The following PIKFYVE variants were observed in gnomAD, a reference collection of about 807,000 sequenced individuals.
The protein encoded by PIKFYVE is 1-phosphatidylinositol 3-phosphate 5-kinase.
In PIKFYVE, 122 loss-of-function variants were observed where a neutral mutation model predicts 257.9. The ratio of observed to expected loss-of-function variants is 0.47; its 90% confidence interval spans 0.41 to 0.55. The LOEUF (loss-of-function observed/expected upper bound fraction) is 0.55. PIKFYVE is among the 20% of genes least tolerant of loss of function. The pLI is 0.00. For synonymous variants in PIKFYVE, 892 were observed against 868.9 expected (o/e 1.03, Z -0.47); for missense variants, 2,160 against 2,536.6 (o/e 0.85, Z 3.19).
chr2:208,321,254 A>C (rs1696169100), intron 17 of PIKFYVE, among the ~76,000 whole-genome samples: 1 of 152,202 alleles, frequency 6.6e-6, no homozygotes, highest in African/African-American at 2.4e-5. Context: ...TAGTGGAAAC[A>C]CTTATGCTGG....
chr2:208,328,319 C>G (rs1169308853), intron 21 of PIKFYVE, 39 bp downstream of exon 21: 13 of 1,611,106 alleles, frequency 8.1e-6, no homozygotes, highest in African/African-American at 1.3e-5. Flanking sequence ...CACATAAGAA[C>G]AGAATTCCAG....
At chr2:208,350,306 C>G (rs540932069) in intron 36 of PIKFYVE, among the ~76,000 whole-genome samples, 1 of 151,298 alleles carries the variant, frequency 6.6e-6, no homozygotes, top group Non-Finnish European at 1.5e-5. Flanking sequence ...GTAAATTATG[C>G]TCTTATTTCT....
intron 5 of PIKFYVE, among the ~76,000 whole-genome samples, chr2:208,285,131 TGTTGCCC>T (rs1329832213): frequency 6.6e-6 from 1 of 152,242 alleles, no homozygotes. Flanking sequence ...GTTTCGTTCT[TGTTGCCC>T]AGGCTGGAGT....
At chr2:208,317,794 T>G (rs1695718855) in intron 15 of PIKFYVE, 73 bp from the exon 16 acceptor site, 7 of 1,363,092 alleles carry the variant, frequency 5.1e-6, no homozygotes, top group African/African-American at 1.4e-5. Flanking sequence ...TGGAAAGAAA[T>G]AATAGCGTAC....
chr2:208,349,917 C>T (rs942981447), intron 35 of PIKFYVE, 107 bp from the exon 36 acceptor site: 5 of 1,513,114 alleles, frequency 3.3e-6, no homozygotes, highest in Non-Finnish European at 4.5e-6. Flanking sequence ...GATATTTTTA[C>T]TTTTAATTTG....
chr2:208,316,482 C>T (rs1695532868), intron 15 of PIKFYVE, among the ~76,000 whole-genome samples: 1 of 151,890 alleles, frequency 6.6e-6, no homozygotes, highest in Non-Finnish European at 1.5e-5. Flanking sequence ...AACTAGTTTA[C>T]AGTCCCACCA....
rs774566105 is a variant in PIKFYVE, at chr2:208,335,315, C to G, written c.4152C>G (p.Pro1384=). 1 of 1,600,196 alleles carries G rather than the reference C, an allele frequency of 6.2e-7. No individual in the cohort carries two copies. The highest frequency in any genetic ancestry group is 1.7e-5 in the Admixed American group (1 of 59,978). The change falls in exon 25 of 42, where the codon CCC becomes CCG. Residue 1384 remains proline (P), a synonymous_variant. Coordinates refer to ENST00000264380, the MANE Select transcript of PIKFYVE (RefSeq NM_015040.4). ...TGTATTTTCTTCTCAGTTATTCTCC[C>G]ATTCGGCTTCTTGAAGTATGTGTTC... ...NQMVASFSYS[P]IRLLEVCVPL...
intron 3 of PIKFYVE, among the ~76,000 whole-genome samples, chr2:208,275,211 G>C (rs1689947432): frequency 6.6e-6 from 1 of 152,214 alleles, no homozygotes; most frequent in African/African-American, 2.4e-5. Flanking sequence ...AAGAGAAGCA[G>C]CTAAGGCTAT....
In PIKFYVE at chr2:208,350,882, T is replaced by C. The variant is rs1699713726; in HGVS notation, c.5546T>C (p.Leu1849Pro). 1 of 1,614,160 alleles carries C rather than the reference T, an allele frequency of 6.2e-7. No individual in the cohort carries two copies. Among genetic ancestry groups the C allele is most frequent in the Non-Finnish European group, 8.5e-7 (1 of 1,180,028 alleles). ...AGTGAAGAAGATTTCATTCGTTCCC[T>C]CTCCCACTCATCACCCTGGCAGGCC... ...DSSEEDFIRSLSHSSPWQARG... is the reference protein window; with the variant it reads ...DSSEEDFIRSPSHSSPWQARG... The change falls in exon 37 of 42, where the codon CTC becomes CCC. Residue 1849 changes from leucine (L) to proline (P), a missense_variant. By Grantham distance (98) the Leu-to-Pro change is moderately conservative. Transcript: ENST00000264380.
chr2:208,296,819 A>G (rs1693051114), intron 7 of PIKFYVE, among the ~76,000 whole-genome samples: 1 of 152,102 alleles, frequency 6.6e-6, no homozygotes. Flanking sequence ...TAAGATGAGG[A>G]GTGAAAACTG....
intron 12 of PIKFYVE, among the ~76,000 whole-genome samples, chr2:208,310,515 G>A (rs1280404733): frequency 6.6e-6 from 1 of 152,138 alleles, no homozygotes; most frequent in East Asian, 1.9e-4. Flanking sequence ...ATTACAAGCA[G>A]GATTCTGAAC....
chr2:208,273,474 A>T, intron 2 of PIKFYVE, 110 bp from the exon 3 acceptor site: 2 of 1,271,342 alleles, frequency 1.6e-6, no homozygotes, highest in South Asian at 1.3e-5. Flanking sequence ...AAAAATTTTT[A>T]GTTACGCATA....
chr2:208,276,502 G>A (rs1035609765), intron 3 of PIKFYVE, among the ~76,000 whole-genome samples: 3 of 152,094 alleles, frequency 2.0e-5, no homozygotes, highest in Non-Finnish European at 4.4e-5. Context: ...GCCTTGACTC[G>A]CTTGTAAAAC....
chr2:208,280,225 G>C (rs1690629600), intron 5 of PIKFYVE, among the ~76,000 whole-genome samples: 1 of 152,162 alleles, frequency 6.6e-6, no homozygotes, highest in Admixed American at 6.5e-5. Flanking sequence ...TGGAACAACA[G>C]AAATGTATGT....
In PIKFYVE at chr2:208,335,396, G is replaced by A. The variant is rs150056760; in HGVS notation, c.4233G>A (p.Gln1411=). The change falls in exon 25 of 42, where the codon CAG becomes CAA. Residue 1411 remains glutamine, a synonymous_variant. Coordinates refer to ENST00000264380, the MANE Select transcript of PIKFYVE (RefSeq NM_015040.4). ...RQAPLKVSLL[Q]DLKDFFQKVS... is the part of the protein sequence containing the mutation. ...CCCCATTAAAAGTGTCCCTTCTTCA[G>A]GATCTGAAGGACTTCTTTCAAAAGT... is the stretch of plus-strand genomic sequence containing the variant. 18 of 1,605,030 alleles carry A rather than the reference G, an allele frequency of 1.1e-5. No individual in the cohort carries two copies. The Admixed American group carries it at 2.5e-4, about 22-fold the overall frequency.
At chr2:208,333,536 A>T in intron 24 of PIKFYVE, 43 bp downstream of exon 24, 1 of 1,585,778 alleles carries the variant, frequency 6.3e-7, no homozygotes, top group Non-Finnish European at 8.6e-7. Flanking sequence ...CAGATCTCAT[A>T]ATCCCTTAAG....
Position 208,355,853 on chromosome 2 carries a change from T to G in PIKFYVE, c.*548T>G, listed in dbSNP as rs903896561. On this transcript the variant is annotated 3_prime_UTR_variant, in exon 42 of 42. Coordinates refer to ENST00000264380, the MANE Select transcript of PIKFYVE (RefSeq NM_015040.4). ...GCATTTATTGTTTTATTGAGGAATTTGACTTAAACTGGGAATCCTGTCATG... is the reference window on the plus strand; with the variant it reads ...GCATTTATTGTTTTATTGAGGAATTGGACTTAAACTGGGAATCCTGTCATG... 27 of 152,830 alleles carry G rather than the reference T, an allele frequency of 1.8e-4. No individual in the cohort carries two copies. The highest frequency in any genetic ancestry group is 1.6e-3 in the Admixed American group (24 of 15,310). 9.5% of individuals were successfully genotyped at this position (152,830 alleles called of 1,614,324 possible). A position where few individuals can be genotyped will look rare whatever the true frequency, so the allele number is the denominator to read the frequency against.
chr2:208,318,249 A>C (rs1695786957), intron 16 of PIKFYVE, among the ~76,000 whole-genome samples: 1 of 152,214 alleles, frequency 6.6e-6, no homozygotes, highest in Non-Finnish European at 1.5e-5. Flanking sequence ...TTAGGGAGAC[A>C]GGGTTTCTCT....
intron 35 of PIKFYVE, among the ~76,000 whole-genome samples, chr2:208,348,933 C>A (rs969559986): frequency 1.3e-5 from 2 of 151,988 alleles, no homozygotes; most frequent in African/African-American, 4.8e-5. Flanking sequence ...GAGGCTGAGG[C>A]GGGCGGATCA....
Sources: allele counts gnomAD v4.1 joint callset (sites outside exome capture counted in the v4.1 genomes callset), GRCh38; gene constraint gnomAD v4.1.1; transcripts MANE v1.5; gene names NCBI Gene and HGNC (gene_info 2026-07-23, HGNC 2026-07-21).